Variants in ELP3 observed in about 807,000 individuals in gnomAD.
ELP3 encodes elongator acetyltransferase complex subunit 3, also known as elongator complex protein 3.
ELP3 carries 56 observed loss-of-function variants against 74.9 expected under a neutral mutation model. That is an observed-to-expected ratio of 0.75 (90% CI 0.60 to 0.93). The LOEUF is 0.93. Ranked by LOEUF, ELP3 falls within the 40% of genes least tolerant of loss-of-function variation. ELP3 has a pLI of 0.00. For missense variants in ELP3, 573 were observed against 686.5 expected (o/e 0.83, Z 1.85); for synonymous variants, 222 against 239.8 (o/e 0.93, Z 0.68).
chr8:28,108,660 T>C (rs1450529216), intron 5 of ELP3, among the ~76,000 whole-genome samples: 2 of 152,176 alleles, frequency 1.3e-5, no homozygotes, highest in Non-Finnish European at 2.9e-5. Context: ...TTTCATCATG[T>C]TGGCCAGCCT....
Position 28,107,936 on chromosome 8 carries a change from C to T in ELP3, c.353C>T (p.Ser118Phe). 6.2e-7 allele frequency: 1 copy of T among 1,613,982 alleles called. No individual in the cohort carries two copies. The highest frequency in any genetic ancestry group is 8.5e-7 in the Non-Finnish European group (1 of 1,179,968). Residue 118 changes from serine (S) to phenylalanine (F), a missense_variant, in exon 5 of 15, where the codon TCT becomes TTT. Transcript: ENST00000256398. The part of the protein sequence containing the change: ...ICVYCPGGPD[S>F]DFEYSTQSYT... ...AGATACTGCCCTGGTGGACCTGATT[C>T]TGATTTTGAGTATTCCACCCAGTCT...
At chr8:28,090,870 GCAGGCTT>G (rs929871618), upstream of ELP3, among the ~76,000 whole-genome samples, 2 of 151,344 alleles carry the variant, frequency 1.3e-5, no homozygotes, top group Non-Finnish European at 2.9e-5. Context: ...CCTCCAGGTA[GCAGGCTT>G]CAGAGAGAAT....
At chr8:28,123,130 A>G (rs903897468) in intron 7 of ELP3, among the ~76,000 whole-genome samples, 27 of 152,264 alleles carry the variant, frequency 1.8e-4, no homozygotes, top group Non-Finnish European at 3.8e-4. Context: ...TCTCAAAAAA[A>G]GAGAAAAAAA....
chr8:28,116,576 C>T (rs1812146196), intron 7 of ELP3, among the ~76,000 whole-genome samples: 1 of 152,110 alleles, frequency 6.6e-6, no homozygotes, highest in Admixed American at 6.5e-5. Context: ...TTCTTCTCTA[C>T]TAAAAATGTA....
At chr8:28,176,000 A>G (rs1814737932) in intron 14 of ELP3, among the ~76,000 whole-genome samples, 1 of 151,838 alleles carries the variant, frequency 6.6e-6, no homozygotes, top group African/African-American at 2.4e-5. Flanking sequence ...TATTTTTATT[A>G]GAGACGGGGT....
At chr8:28,165,285 G>A (rs924330358) in intron 14 of ELP3, among the ~76,000 whole-genome samples, 3 of 152,102 alleles carry the variant, frequency 2.0e-5, no homozygotes, top group Admixed American at 6.6e-5. Flanking sequence ...GACCTTTTCT[G>A]TGCCATATTA....
At chr8:28,133,072 TCTC>T (rs2130466660) in intron 9 of ELP3, among the ~76,000 whole-genome samples, 1 of 152,276 alleles carries the variant, frequency 6.6e-6, no homozygotes, top group South Asian at 2.1e-4. Context: ...CAAATAATTC[TCTC>T]CTGTTTATTT....
chr8:28,134,992 G>A (rs1034764193), intron 9 of ELP3, among the ~76,000 whole-genome samples: 1 of 151,338 alleles, frequency 6.6e-6, no homozygotes, highest in Non-Finnish European at 1.5e-5. Context: ...GCAATGGCAC[G>A]ATCTTGGCTC....
At chr8:28,115,404 A>G (rs1197614325) in intron 7 of ELP3, among the ~76,000 whole-genome samples, 2 of 152,158 alleles carry the variant, frequency 1.3e-5, no homozygotes, top group Non-Finnish European at 2.9e-5. Flanking sequence ...TCATGCACAT[A>G]CACACACACA....
chr8:28,135,912 C>G (rs1483050675), intron 9 of ELP3, among the ~76,000 whole-genome samples: 1 of 151,222 alleles, frequency 6.6e-6, no homozygotes, highest in East Asian at 1.9e-4. Flanking sequence ...CTTTCTTGTT[C>G]TCTTTGTTCT....
At chr8:28,104,693 A>G in intron 3 of ELP3, among the ~76,000 whole-genome samples, 1 of 152,192 alleles carries the variant, frequency 6.6e-6, no homozygotes, top group Admixed American at 6.5e-5. Flanking sequence ...GCCTCATAGA[A>G]GCAGCACTAC....
At chr8:28,140,116 G>T (rs1317465794) in intron 10 of ELP3, among the ~76,000 whole-genome samples, 4 of 42,558 alleles carry the variant, frequency 9.4e-5, no homozygotes, top group African/African-American at 2.8e-4. Flanking sequence ...TACATATTTT[G>T]TGTGTGTGTG....
chr8:28,156,140 C>T lies in ELP3; in HGVS notation c.1191+108C>T, dbSNP rs1813820343. Reference sequence around the variant, plus strand: ...CTAAAACCAGACTTGCGGGTCAGGTCAGAAAGCTCCCAGATGTTGAAAGCA... The same window carrying T: ...CTAAAACCAGACTTGCGGGTCAGGTTAGAAAGCTCCCAGATGTTGAAAGCA... On this transcript the variant is annotated intron_variant, in intron 11 of 14. Transcript: ENST00000256398. The T allele has an allele frequency of 6.0e-6, 5 of 830,800 alleles. No homozygotes were observed. In the African/African-American group the frequency reaches 6.8e-5, roughly 11 times the overall value. The allele number at this position is 830,800 out of a possible 1,614,324, so 51.5% of individuals were successfully genotyped here. A position where few individuals can be genotyped will look rare whatever the true frequency, so the allele number is the denominator to read the frequency against.
rs1033261067 is a variant in ELP3 at position 28,189,858 on chromosome 8, C to A, written c.*133C>A. ...CACCCTCATCCCGCAGCTGCAGAGACTGGAAACTGCCTTCAAGGCCACGGC... is the reference window on the plus strand; with the variant it reads ...CACCCTCATCCCGCAGCTGCAGAGAATGGAAACTGCCTTCAAGGCCACGGC... On this transcript the variant is annotated 3_prime_UTR_variant, in exon 15 of 15. Coordinates refer to ENST00000256398, the MANE Select transcript of ELP3 (RefSeq NM_018091.6). 4.3e-5 allele frequency: 41 copies of A among 961,484 alleles called. No homozygotes were observed. The highest frequency in any genetic ancestry group is 6.3e-5 in the Non-Finnish European group (40 of 638,552). The allele number at this position is 961,484 out of a possible 1,614,324, so 59.6% of individuals were successfully genotyped here.
intron 9 of ELP3, 81 bp downstream of exon 9, chr8:28,132,485 T>G: frequency 1.9e-6 from 3 of 1,571,600 alleles, no homozygotes; most frequent in Non-Finnish European, 2.6e-6. Context: ...TTGTTCACTG[T>G]TGATGTTTTC....
At position 28,107,952 on chromosome 8, in the gene ELP3, C is replaced by T; in HGVS notation, c.369C>T (p.Ser123=). ...GACCTGATTCTGATTTTGAGTATTC[C>T]ACCCAGTCTTACACTGGCTATGAGG... ...PGGPDSDFEY[S]TQSYTGYEPT... The change falls in exon 5 of 15, where the codon TCC becomes TCT. Residue 123 remains serine (S), a synonymous_variant. Coordinates refer to ENST00000256398, the MANE Select transcript of ELP3 (RefSeq NM_018091.6). The T allele has an allele frequency of 6.2e-7, 1 of 1,613,904 alleles. No individual in the cohort carries two copies. Among genetic ancestry groups the T allele is most frequent in the Non-Finnish European group, 8.5e-7 (1 of 1,179,926 alleles).
At chr8:28,109,589 A>G (rs899920816) in intron 5 of ELP3, among the ~76,000 whole-genome samples, 2 of 152,210 alleles carry the variant, frequency 1.3e-5, no homozygotes, top group Admixed American at 1.3e-4. Flanking sequence ...TGGATTTTGG[A>G]ATATTTGCAT....
At chr8:28,173,622 G>C (rs1038917656) in intron 14 of ELP3, among the ~76,000 whole-genome samples, 1 of 148,176 alleles carries the variant, frequency 6.7e-6, no homozygotes, top group Admixed American at 6.7e-5. Flanking sequence ...TTTGGGTTTT[G>C]TTTGCTCTTT....
intron 14 of ELP3, among the ~76,000 whole-genome samples, chr8:28,173,235 CT>C (rs1814602751): frequency 6.6e-6 from 1 of 151,948 alleles, no homozygotes; most frequent in East Asian, 1.9e-4. Context: ...GTAGAATTTA[CT>C]AGTAAAGTCG....
Sources: gnomAD v4.1 joint callset for allele counts (sites outside exome capture counted in the v4.1 genomes callset) on GRCh38, gnomAD v4.1.1 for gene constraint, MANE v1.5 for transcripts, NCBI Gene and HGNC (gene_info 2026-07-23, HGNC 2026-07-21) for gene names.